The following THSD7A variants were observed in gnomAD, a reference collection of about 807,000 sequenced individuals.
THSD7A encodes the protein thrombospondin type-1 domain-containing protein 7A.
A neutral mutation model predicts 231.3 loss-of-function variants in THSD7A; 96 were observed. The observed-to-expected ratio is 0.41, with a 90% CI of 0.35 to 0.49. The LOEUF (loss-of-function observed/expected upper bound fraction) is 0.49. THSD7A is among the 20% of genes least tolerant of loss of function. The pLI, the probability that THSD7A is intolerant of heterozygous loss-of-function variation, is 0.05. For synonymous variants in THSD7A, 940 were observed against 743.3 expected (o/e 1.26, Z -4.30); for missense variants, 2,290 against 2,070.2 (o/e 1.11, Z -2.06).
At chr7:11,514,469 A>G (rs6972615) in intron 6 of THSD7A, among the ~76,000 whole-genome samples, 32,560 of 152,070 alleles carry the variant, frequency 0.21, 3,568 homozygotes, top group Middle Eastern at 0.3. Flanking sequence ...CAAAGCCATC[A>G]TGATAAACAC....
intron 1 of THSD7A, among the ~76,000 whole-genome samples, chr7:11,640,930 A>G (rs949236739): frequency 6.6e-6 from 1 of 152,122 alleles, no homozygotes; most frequent in Non-Finnish European, 1.5e-5. Flanking sequence ...AGTTTTGAGA[A>G]ACTAAATTTT....
In THSD7A at chr7:11,815,450, C is replaced by A. The variant is rs575193772; in HGVS notation, c.190+16307G>T. On this transcript the variant is annotated intron_variant, in intron 1 of 27. Coordinates refer to ENST00000423059, the MANE Select transcript of THSD7A (RefSeq NM_015204.3). ...GAACTCATCAGGGATGAGTTCTATA[C>A]CTGTACATATAAATATATGTACATA... 6.6e-5 allele frequency among the ~76,000 whole-genome samples: 10 copies of A among 152,072 alleles called. No individual in the cohort carries two copies. The East Asian group carries it at 1.5e-3, about 24-fold the overall frequency.
At chr7:11,480,414 G>A (rs1017886080) in intron 7 of THSD7A, among the ~76,000 whole-genome samples, 3 of 152,044 alleles carry the variant, frequency 2.0e-5, no homozygotes, top group Admixed American at 6.6e-5. Flanking sequence ...CAGGAAGCAG[G>A]GTGACCACAG....
chr7:11,472,235 A>G (rs1041890568), intron 8 of THSD7A, among the ~76,000 whole-genome samples: 1 of 152,148 alleles, frequency 6.6e-6, no homozygotes, highest in Non-Finnish European at 1.5e-5. Flanking sequence ...TGTGGTTTAA[A>G]TCAAGAAATT....
intron 1 of THSD7A, among the ~76,000 whole-genome samples, chr7:11,754,197 A>G (rs950638098): frequency 2.0e-5 from 3 of 152,072 alleles, no homozygotes. Flanking sequence ...AACCATGTCT[A>G]AAGAAGTAAA....
chr7:11,512,238 C>A (rs1399613253), intron 6 of THSD7A, among the ~76,000 whole-genome samples: 2 of 152,130 alleles, frequency 1.3e-5, no homozygotes, highest in Non-Finnish European at 2.9e-5. Flanking sequence ...CAATGAGATA[C>A]CACCTCACAC....
At chr7:11,759,356 T>C (rs938302291) in intron 1 of THSD7A, among the ~76,000 whole-genome samples, 1 of 152,024 alleles carries the variant, frequency 6.6e-6, no homozygotes, top group Non-Finnish European at 1.5e-5. Context: ...TGTTTAGAAA[T>C]TCATTGAGAA....
chr7:11,635,856 A>G (rs945016225), intron 2 of THSD7A, among the ~76,000 whole-genome samples: 1 of 152,132 alleles, frequency 6.6e-6, no homozygotes, highest in African/African-American at 2.4e-5. Flanking sequence ...GTCTACACAT[A>G]GAGAAGAAGC....
At chr7:11,393,824 T>C (rs574404103) in intron 23 of THSD7A, among the ~76,000 whole-genome samples, 2 of 151,962 alleles carry the variant, frequency 1.3e-5, no homozygotes, top group Non-Finnish European at 2.9e-5. Flanking sequence ...GAGAAAAGAA[T>C]AAAAAGGAAC....
At chr7:11,727,027 G>A (rs1781571689) in intron 1 of THSD7A, among the ~76,000 whole-genome samples, 1 of 151,862 alleles carries the variant, frequency 6.6e-6, no homozygotes, top group Admixed American at 6.6e-5. Context: ...GAGTTCCCAG[G>A]CTCACTTCAC....
In THSD7A at chr7:11,474,877, G is replaced by T. The variant is rs1163916784; in HGVS notation, c.2018-309C>A. On this transcript the variant is annotated intron_variant, in intron 7 of 27. Coordinates refer to ENST00000423059, the MANE Select transcript of THSD7A (RefSeq NM_015204.3). The surrounding 1 kb of genome is among the most constrained non-coding windows in gnomAD (Gnocchi z 4.1). ...ATTGTGCGGTATTTAGTATAACTGG[G>T]ATTCAAGGAGTACAATTTCACTACT... Among the ~76,000 whole-genome samples, 1 of 152,124 alleles carries T rather than the reference G, an allele frequency of 6.6e-6. No homozygotes were observed. The highest frequency in any genetic ancestry group is 1.5e-5 in the Non-Finnish European group (1 of 68,028).
intron 1 of THSD7A, among the ~76,000 whole-genome samples, chr7:11,725,907 A>G (rs1781529918): frequency 6.6e-6 from 1 of 152,042 alleles, no homozygotes; most frequent in Non-Finnish European, 1.5e-5. Flanking sequence ...TTGCAACATA[A>G]AATTTTACAG....
chr7:11,475,300 TG>T (rs1461151762), intron 7 of THSD7A, among the ~76,000 whole-genome samples: 7 of 152,128 alleles, frequency 4.6e-5, no homozygotes, highest in Non-Finnish European at 8.8e-5. Flanking sequence ...AAAAGTGCAT[TG>T]GCAAGGATAT....
chr7:11,751,632 A>G (rs1181057134), intron 1 of THSD7A, among the ~76,000 whole-genome samples: 1 of 151,988 alleles, frequency 6.6e-6, no homozygotes, highest in Non-Finnish European at 1.5e-5. Context: ...ACCTGATCCC[A>G]TAACTCCTAG....
intron 1 of THSD7A, among the ~76,000 whole-genome samples, chr7:11,688,067 A>AC (rs1780116407): frequency 2.8e-5 from 1 of 35,600 alleles, no homozygotes; most frequent in Admixed American, 2.6e-4. Flanking sequence ...CCCCTCCCCC[A>AC]CCCCACAACA....
intron 2 of THSD7A, among the ~76,000 whole-genome samples, chr7:11,617,536 G>A (rs2128351526): frequency 6.6e-6 from 1 of 152,256 alleles, no homozygotes; most frequent in East Asian, 1.9e-4. Flanking sequence ...TTACATGAAT[G>A]CTAACGGAGA....
intron 6 of THSD7A, among the ~76,000 whole-genome samples, chr7:11,522,704 T>TA (rs1305575715): frequency 6.6e-6 from 1 of 152,192 alleles, no homozygotes; most frequent in Non-Finnish European, 1.5e-5. Context: ...GAAATAGTGA[T>TA]ATAATAGCTC....
chr7:11,809,051 T>C (rs1340244959), intron 1 of THSD7A, among the ~76,000 whole-genome samples: 2 of 152,180 alleles, frequency 1.3e-5, no homozygotes, highest in African/African-American at 4.8e-5. Flanking sequence ...TTATTTAAGC[T>C]AAATTAAGTT....
intron 6 of THSD7A, among the ~76,000 whole-genome samples, chr7:11,528,902 C>T (rs1465875609): frequency 2.0e-5 from 3 of 152,026 alleles, no homozygotes; most frequent in South Asian, 2.1e-4. Context: ...TAAGTACCAG[C>T]GGTCTTAAAG....
Sources: allele counts gnomAD v4.1 joint callset (sites outside exome capture counted in the v4.1 genomes callset), GRCh38; gene constraint gnomAD v4.1.1; non-coding constraint Gnocchi (gnomAD v3.1); transcripts MANE v1.5; gene names NCBI Gene and HGNC (gene_info 2026-07-23, HGNC 2026-07-21).